The following CDH10 variants were observed in gnomAD, a reference collection of about 807,000 sequenced individuals.
The protein encoded by CDH10 is cadherin 10.
Under a neutral mutation model 73.1 loss-of-function variants are expected in CDH10, and 30 were observed. That is an observed-to-expected ratio of 0.41 (90% CI 0.31 to 0.56). The LOEUF (loss-of-function observed/expected upper bound fraction) is 0.56. Ranked by LOEUF, CDH10 falls within the 20% of genes least tolerant of loss-of-function variation. The probability of loss-of-function intolerance (pLI) is 0.27; values close to 1 mark genes in which losing one functional copy is unlikely to be tolerated. For synonymous variants in CDH10, 345 were observed against 348.2 expected (o/e 0.99, Z 0.10); for missense variants, 815 against 973.7 (o/e 0.84, Z 2.17).
chr5:24,627,432 T>C (rs540485534), intron 1 of CDH10, among the ~76,000 whole-genome samples: 10 of 152,026 alleles, frequency 6.6e-5, no homozygotes, highest in Non-Finnish European at 1.0e-4. Context: ...AAAAGAAAAA[T>C]ATAGAGTGAA....
chr5:24,563,532 G>C (rs1374941900), intron 2 of CDH10, among the ~76,000 whole-genome samples: 1 of 145,270 alleles, frequency 6.9e-6, no homozygotes, highest in African/African-American at 2.6e-5. Flanking sequence ...GAGGTGGGCG[G>C]ATCACGAGGT....
chr5:24,491,497 G>T (rs2111634280), intron 11 of CDH10, 79 bp downstream of exon 11: 2 of 1,291,992 alleles, frequency 1.5e-6, no homozygotes, highest in East Asian at 2.4e-5. Flanking sequence ...TTTTGGGGGA[G>T]GGATTTTAAT....
chr5:24,515,451 G>C (rs1257477450), intron 5 of CDH10, among the ~76,000 whole-genome samples: 1 of 152,150 alleles, frequency 6.6e-6, no homozygotes, highest in Non-Finnish European at 1.5e-5. Context: ...TGGACGTATA[G>C]TGTGGTCAAA....
At chr5:24,561,791 C>T (rs1244317669) in intron 2 of CDH10, among the ~76,000 whole-genome samples, 1 of 152,062 alleles carries the variant, frequency 6.6e-6, no homozygotes, top group African/African-American at 2.4e-5. Flanking sequence ...AAGCTTGGAG[C>T]AACAAAACAT....
intron 1 of CDH10, among the ~76,000 whole-genome samples, chr5:24,638,990 C>CGG (rs1181106786): frequency 2.6e-5 from 4 of 151,378 alleles, no homozygotes; most frequent in Non-Finnish European, 5.9e-5. Context: ...AAAATTTTAA[C>CGG]GTTTTGGTTT....
intron 1 of CDH10, among the ~76,000 whole-genome samples, chr5:24,606,054 T>C (rs1416507969): frequency 6.6e-6 from 1 of 152,058 alleles, no homozygotes; most frequent in Non-Finnish European, 1.5e-5. Flanking sequence ...TCGGTGATGG[T>C]TAATGTCTAG....
At chr5:24,506,512 A>G (rs1742704398) in intron 7 of CDH10, among the ~76,000 whole-genome samples, 1 of 152,216 alleles carries the variant, frequency 6.6e-6, no homozygotes. Context: ...AGCAGATTTT[A>G]CCACCATCTT....
At position 24,498,651 on chromosome 5, in the gene CDH10, G is replaced by A; in HGVS notation, c.1394-132C>T. On this transcript the variant is annotated intron_variant, in intron 8 of 11. Coordinates refer to ENST00000264463, the MANE Select transcript of CDH10 (RefSeq NM_006727.5). ...TGCAATCATTCTACTAATATAATGA[G>A]CAAATGCAATAAAGAAAATTACTGC... 4 of 612,550 alleles carry A rather than the reference G, an allele frequency of 6.5e-6. No homozygotes were observed. The South Asian group carries it at 9.2e-5, about 14-fold the overall frequency. 37.9% of individuals were successfully genotyped at this position (612,550 alleles called of 1,614,324 possible). A position where few individuals can be genotyped will look rare whatever the true frequency, so the allele number is the denominator to read the frequency against.
At chr5:24,643,517 T>C (rs1296907994) in intron 1 of CDH10, among the ~76,000 whole-genome samples, 1 of 102,088 alleles carries the variant, frequency 9.8e-6, no homozygotes, top group African/African-American at 3.6e-5. Flanking sequence ...TTATTTTTAA[T>C]ACAGATCCTT....
intron 1 of CDH10, among the ~76,000 whole-genome samples, chr5:24,635,580 T>C (rs1397490464): frequency 6.6e-6 from 1 of 151,698 alleles, no homozygotes; most frequent in Non-Finnish European, 1.5e-5. Context: ...CTCTTTCTTA[T>C]GCATTTTTCC....
chr5:24,511,904 G>A (rs1305075647), intron 5 of CDH10, among the ~76,000 whole-genome samples: 9 of 152,208 alleles, frequency 5.9e-5, no homozygotes, highest in South Asian at 2.1e-4. Flanking sequence ...AATGTCACAC[G>A]TTATCACTCA....
At chr5:24,532,243 T>A (rs1037563821) in intron 5 of CDH10, among the ~76,000 whole-genome samples, 3 of 152,072 alleles carry the variant, frequency 2.0e-5, no homozygotes, top group Admixed American at 2.0e-4. Flanking sequence ...ACCTAACTTT[T>A]ATAATACTGA....
At position 24,622,440 on chromosome 5, in the gene CDH10, G is replaced by A. The variant is rs1747350200; in HGVS notation, c.-124+22154C>T. 2.0e-5 allele frequency among the ~76,000 whole-genome samples: 3 copies of A among 152,124 alleles called. No homozygotes were observed. In the South Asian group the frequency reaches 6.2e-4, roughly 31 times the overall value. ...ATTCATTAGCTCTGTTGATATTGAAGGATCAGTTTTAGCAGGCTGCAGAAT... is the reference window on the plus strand; with the variant it reads ...ATTCATTAGCTCTGTTGATATTGAAAGATCAGTTTTAGCAGGCTGCAGAAT... On this transcript the variant is annotated intron_variant, in intron 1 of 11. Transcript: ENST00000264463.
intron 1 of CDH10, among the ~76,000 whole-genome samples, chr5:24,623,791 C>T (rs1392925457): frequency 6.6e-6 from 1 of 152,124 alleles, no homozygotes; most frequent in Non-Finnish European, 1.5e-5. Flanking sequence ...TAAATAACAG[C>T]ATATGTGTTT....
At chr5:24,507,051 CCTTT>C (rs1742723375) in intron 7 of CDH10, among the ~76,000 whole-genome samples, 1 of 152,086 alleles carries the variant, frequency 6.6e-6, no homozygotes, top group South Asian at 2.1e-4. Flanking sequence ...CTTCCATTTT[CCTTT>C]CTAAAATAAT....
chr5:24,519,489 T>G (rs1743232916), intron 5 of CDH10, among the ~76,000 whole-genome samples: 1 of 152,140 alleles, frequency 6.6e-6, no homozygotes, highest in African/African-American at 2.4e-5. Context: ...AAATACAGTA[T>G]GTTTAAAGAT....
chr5:24,508,460 T>A (rs1742777005), intron 7 of CDH10, among the ~76,000 whole-genome samples: 1 of 66,910 alleles, frequency 1.5e-5, no homozygotes, highest in Admixed American at 1.5e-4. Flanking sequence ...CTCTCAACTT[T>A]GATGGCTGTG....
chr5:24,542,817 C>G (rs1422314719), intron 2 of CDH10, among the ~76,000 whole-genome samples: 3 of 152,076 alleles, frequency 2.0e-5, no homozygotes, highest in Non-Finnish European at 4.4e-5. Flanking sequence ...GGCAAAAGGT[C>G]TTCATTGAGG....
intron 7 of CDH10, 105 bp from the exon 8 acceptor site, chr5:24,505,353 G>A: frequency 3.4e-6 from 3 of 870,944 alleles, no homozygotes; most frequent in Admixed American, 1.9e-5. Context: ...TTACAGGAAA[G>A]AACACAGTGC....
Sources: gnomAD v4.1 joint callset for allele counts (sites outside exome capture counted in the v4.1 genomes callset) on GRCh38, gnomAD v4.1.1 for gene constraint, MANE v1.5 for transcripts, NCBI Gene and HGNC (gene_info 2026-07-23, HGNC 2026-07-21) for gene names.